The following PTPRD variants were observed in gnomAD, a reference collection of about 807,000 sequenced individuals.
PTPRD encodes the protein receptor-type tyrosine-protein phosphatase delta.
PTPRD carries 34 observed loss-of-function variants against 214.5 expected under a neutral mutation model. That is an observed-to-expected ratio of 0.16 (90% CI 0.12 to 0.21). The LOEUF (loss-of-function observed/expected upper bound fraction) is 0.21. PTPRD is among the 10% of genes least tolerant of loss of function. The pLI is 1.00. For synonymous variants in PTPRD, 1,128 were observed against 845.7 expected, an observed-to-expected ratio of 1.33 and a Z score of -5.79; for missense variants, 2,545 against 2,398.7, an observed-to-expected ratio of 1.06 and a Z score of -1.27.
intron 2 of PTPRD, among the ~76,000 whole-genome samples, chr9:10,383,618 C>A (rs1452429812): frequency 6.6e-6 from 1 of 151,698 alleles, no homozygotes; most frequent in African/African-American, 2.4e-5. Flanking sequence ...CTTATCAGAT[C>A]ATCAAAGCAC....
At chr9:8,570,460 A>G (rs890878370) in intron 14 of PTPRD, among the ~76,000 whole-genome samples, 1 of 152,176 alleles carries the variant, frequency 6.6e-6, no homozygotes, top group Non-Finnish European at 1.5e-5. Context: ...TCAAGAGTCA[A>G]TGAGCAACAA....
chr9:9,680,149 T>G (rs529042618), intron 7 of PTPRD, among the ~76,000 whole-genome samples: 4 of 151,888 alleles, frequency 2.6e-5, no homozygotes, highest in Non-Finnish European at 4.4e-5. Flanking sequence ...CTTACAGAGA[T>G]ACTTTATTTC....
chr9:8,921,448 T>C (rs2098827203), intron 11 of PTPRD, among the ~76,000 whole-genome samples: 1 of 152,024 alleles, frequency 6.6e-6, no homozygotes, highest in Non-Finnish European at 1.5e-5. Flanking sequence ...AATCTGAGCA[T>C]GAGGATGTGG....
chr9:10,380,015 G>A (rs543738467), intron 2 of PTPRD, among the ~76,000 whole-genome samples: 4 of 152,064 alleles, frequency 2.6e-5, no homozygotes, highest in Non-Finnish European at 4.4e-5. Context: ...GCTAGAATGC[G>A]GTGGCACAAG....
intron 4 of PTPRD, among the ~76,000 whole-genome samples, chr9:9,945,805 A>AAT (rs2092459135): frequency 6.6e-6 from 1 of 152,152 alleles, no homozygotes; most frequent in South Asian, 2.1e-4. Flanking sequence ...ATTGAAATCC[A>AAT]ATAGACCATG....
chr9:8,584,809 A>G (rs1313376572), intron 14 of PTPRD, among the ~76,000 whole-genome samples: 1 of 152,206 alleles, frequency 6.6e-6, no homozygotes, highest in Non-Finnish European at 1.5e-5. Flanking sequence ...CTAACAGTTC[A>G]GAATGGCTGG....
intron 8 of PTPRD, among the ~76,000 whole-genome samples, chr9:9,543,699 A>T (rs2078116555): frequency 6.6e-6 from 1 of 151,646 alleles, no homozygotes; most frequent in Non-Finnish European, 1.5e-5. Context: ...CTGAAAACAA[A>T]CAACAAAAAC....
intron 8 of PTPRD, among the ~76,000 whole-genome samples, chr9:9,516,132 T>C: frequency 6.6e-6 from 1 of 152,174 alleles, no homozygotes; most frequent in Non-Finnish European, 1.5e-5. Context: ...AAATTGATTT[T>C]TCCTCTCTGT....
chr9:9,010,876 G>A (rs537639806), intron 11 of PTPRD, among the ~76,000 whole-genome samples: 2 of 152,150 alleles, frequency 1.3e-5, no homozygotes, highest in Admixed American at 1.3e-4. Context: ...GTGATTGGCA[G>A]ACAAATATTA....
chr9:8,507,280 T>G, intron 22 of PTPRD, 21 bp downstream of exon 22: 1 of 1,606,684 alleles, frequency 6.2e-7, no homozygotes, highest in Non-Finnish European at 8.5e-7. Flanking sequence ...ATTCCCAAGG[T>G]GAGAAGCACT....
At chr9:9,211,992 TA>T (rs2099949085) in intron 9 of PTPRD, among the ~76,000 whole-genome samples, 1 of 152,188 alleles carries the variant, frequency 6.6e-6, no homozygotes, top group Non-Finnish European at 1.5e-5. Flanking sequence ...CATAAAATTT[TA>T]GAAGCAAACA....
At chr9:9,509,024 A>T (rs997834187) in intron 8 of PTPRD, among the ~76,000 whole-genome samples, 1 of 151,334 alleles carries the variant, frequency 6.6e-6, no homozygotes, top group Non-Finnish European at 1.5e-5. Context: ...ATATGGTTGT[A>T]AAACCTTTCC....
chr9:10,350,823 T>C (rs763223668), intron 2 of PTPRD, among the ~76,000 whole-genome samples: 1 of 152,158 alleles, frequency 6.6e-6, no homozygotes, highest in Non-Finnish European at 1.5e-5. Flanking sequence ...TCACCAAATA[T>C]TGAGCGTGGT....
rs567405353 is a variant in PTPRD at position 9,463,665 on chromosome 9, G to A, written c.-236-66183C>T. 9.9e-5 allele frequency among the ~76,000 whole-genome samples: 15 copies of A among 151,788 alleles called. 1 individual carries two copies. The highest frequency in any genetic ancestry group is 2.6e-4 in the Admixed American group (4 of 15,226). ...TTTTTTTTAAATTTTACATTCAGAG[G>A]GTACATATGCATGTTTTTTTACATG... On this transcript the variant is annotated intron_variant, in intron 8 of 45. Coordinates refer to ENST00000381196, the MANE Select transcript of PTPRD (RefSeq NM_002839.4).
At chr9:9,741,997 TA>T in intron 6 of PTPRD, among the ~76,000 whole-genome samples, 1 of 152,324 alleles carries the variant, frequency 6.6e-6, no homozygotes, top group African/African-American at 2.4e-5. Context: ...GGTCAAATGG[TA>T]TTTCCGGTTC....
chr9:8,630,019 C>T (rs1477180042), intron 14 of PTPRD, among the ~76,000 whole-genome samples: 4 of 151,762 alleles, frequency 2.6e-5, no homozygotes, highest in African/African-American at 2.4e-5. Flanking sequence ...TCTTCATTAA[C>T]CATACAGGTC....
At chr9:9,906,193 A>C (rs1387757260) in intron 5 of PTPRD, among the ~76,000 whole-genome samples, 1 of 151,894 alleles carries the variant, frequency 6.6e-6, no homozygotes, top group Non-Finnish European at 1.5e-5. Context: ...AAAGAGGAGA[A>C]TCTTTTAAAG....
At chr9:8,419,482 C>A (rs2094200813) in intron 35 of PTPRD, among the ~76,000 whole-genome samples, 1 of 151,904 alleles carries the variant, frequency 6.6e-6, no homozygotes, top group Non-Finnish European at 1.5e-5. Context: ...TAAACAATTT[C>A]ATAAATAACA....
chr9:9,908,506 G>A (rs933354475), intron 5 of PTPRD, among the ~76,000 whole-genome samples: 1 of 151,996 alleles, frequency 6.6e-6, no homozygotes, highest in South Asian at 2.1e-4. Flanking sequence ...CTTTCTGCTG[G>A]GAGTATGTGC....
Sources: allele counts gnomAD v4.1 joint callset (sites outside exome capture counted in the v4.1 genomes callset), GRCh38; gene constraint gnomAD v4.1.1; transcripts MANE v1.5; gene names NCBI Gene and HGNC (gene_info 2026-07-23, HGNC 2026-07-21).